CELF4: variants seen among roughly 807,000 people sequenced by gnomAD.
CELF4 encodes CUG-BP- and ETR-3-like factor 4.
CELF4 carries 18 observed loss-of-function variants against 59.9 expected under a neutral mutation model. The observed-to-expected ratio is 0.30, with a 90% CI of 0.21 to 0.45. The LOEUF is 0.45. Among genes scored for constraint, CELF4 ranks in the 20% least tolerant of loss-of-function variants. The pLI is 1.00. For missense variants in CELF4, 456 were observed against 689.0 expected (o/e 0.66, Z 3.79); for synonymous variants, 261 against 267.1 (o/e 0.98, Z 0.22).
Position 37,253,648 on chromosome 18 carries a change from C to A in CELF4, c.*44+119G>T, listed in dbSNP as rs991154891. On this transcript the variant is annotated intron_variant, in intron 12 of 12. Coordinates refer to ENST00000420428, the MANE Select transcript of CELF4 (RefSeq NM_020180.4). This position sits in a 1 kb window ranked among gnomAD's most constrained non-coding sequence, Gnocchi z 4.5. ...GGAGCAGGGCGAGGAGCAGGTTGAGCCGGGCGCAGCGGGTCCAAGGCACCA... is the reference window on the plus strand; with the variant it reads ...GGAGCAGGGCGAGGAGCAGGTTGAGACGGGCGCAGCGGGTCCAAGGCACCA... 1.6e-5 allele frequency: 11 copies of A among 698,156 alleles called. No individual in the cohort carries two copies. Among genetic ancestry groups the A allele is most frequent in the Non-Finnish European group, 2.2e-5 (10 of 459,084 alleles). 43.2% of individuals were successfully genotyped at this position (698,156 alleles called of 1,614,324 possible).
chr18:37,325,166 G>C lies in CELF4; in HGVS notation c.370-3285C>G, dbSNP rs548868434. On this transcript the variant is annotated intron_variant, in intron 2 of 12. Coordinates refer to ENST00000420428, the MANE Select transcript of CELF4 (RefSeq NM_020180.4). ...GCTTTGTCGCTCTGTCCCAACGGGG[G>C]AGTGAGGCCATTCCTGAGGCAGGAG... 2.1e-5 allele frequency among the ~76,000 whole-genome samples: 3 copies of C among 140,836 alleles called. No individual in the cohort carries two copies. In the East Asian group the frequency reaches 1.1e-3, roughly 50 times the overall value. 92.4% of individuals were successfully genotyped at this position (140,836 alleles called of 152,430 possible). A position where few individuals can be genotyped will look rare whatever the true frequency, so the allele number is the denominator to read the frequency against.
intron 3 of CELF4, among the ~76,000 whole-genome samples, chr18:37,308,102 G>C (rs2096508438): frequency 6.6e-6 from 1 of 152,002 alleles, no homozygotes; most frequent in African/African-American, 2.4e-5. Context: ...CCTGCCCCCT[G>C]CCCAACCCCT....
At chr18:37,273,425 G>C (rs999734321) in intron 6 of CELF4, 127 of 1,212,224 alleles carry the variant, frequency 1.0e-4, no homozygotes, top group African/African-American at 4.7e-4. Flanking sequence ...GGCAGAGGAG[G>C]AGACTGGCTC....
At chr18:37,437,763 G>A (rs2099697854) in intron 2 of CELF4, among the ~76,000 whole-genome samples, 1 of 152,208 alleles carries the variant, frequency 6.6e-6, no homozygotes, top group South Asian at 2.1e-4. Flanking sequence ...CAGAGATAAT[G>A]AGAACTTTAA....
intron 3 of CELF4, among the ~76,000 whole-genome samples, chr18:37,319,013 A>AG (rs1324071311): frequency 6.6e-6 from 1 of 152,144 alleles, no homozygotes; most frequent in East Asian, 1.9e-4. Context: ...ACCTCCCCTG[A>AG]GGCCTCTGGC....
At chr18:37,460,340 T>C (rs904855101) in intron 2 of CELF4, among the ~76,000 whole-genome samples, 7 of 152,218 alleles carry the variant, frequency 4.6e-5, no homozygotes, top group Admixed American at 1.3e-4. Context: ...ACAGCTCTTA[T>C]GCTGAGCGAG....
chr18:37,283,313 G>C (rs1012340531), intron 3 of CELF4, among the ~76,000 whole-genome samples: 6 of 151,950 alleles, frequency 3.9e-5, no homozygotes, highest in African/African-American at 1.5e-4. Context: ...ACAGCAGAGG[G>C]GGGCATTAAA....
chr18:37,429,591 T>C (rs1786794), intron 2 of CELF4, among the ~76,000 whole-genome samples: 144,508 of 152,212 alleles, frequency 0.95, 69,041 homozygotes, highest in East Asian at 1. Context: ...TCCAAGTGGG[T>C]AGTGCTACCT....
At chr18:37,408,930 T>C (rs2099411675) in intron 2 of CELF4, among the ~76,000 whole-genome samples, 1 of 152,140 alleles carries the variant, frequency 6.6e-6, no homozygotes, top group Non-Finnish European at 1.5e-5. Flanking sequence ...CCTGCATGGG[T>C]CCCTTTCCAG....
intron 2 of CELF4, among the ~76,000 whole-genome samples, chr18:37,447,148 A>G (rs191171928): frequency 6.6e-6 from 1 of 152,214 alleles, no homozygotes; most frequent in Non-Finnish European, 1.5e-5. Flanking sequence ...TGTGAGGCCA[A>G]TGAAATGCCA....
chr18:37,429,950 A>G (rs1020792726), intron 2 of CELF4, among the ~76,000 whole-genome samples: 8 of 152,058 alleles, frequency 5.3e-5, no homozygotes, highest in African/African-American at 1.9e-4. Flanking sequence ...CTCAGCTCCA[A>G]TCTGTCTCCT....
intron 2 of CELF4, among the ~76,000 whole-genome samples, chr18:37,326,694 T>C (rs2097327849): frequency 6.6e-6 from 1 of 152,116 alleles, no homozygotes. Context: ...GTGTTTCTAC[T>C]TCCAGCCGGG....
chr18:37,479,520 G>T (rs1159009714), intron 2 of CELF4, among the ~76,000 whole-genome samples: 1 of 152,176 alleles, frequency 6.6e-6, no homozygotes, highest in Non-Finnish European at 1.5e-5. Flanking sequence ...GCAAAATTGA[G>T]AGCCACTGCC....
intron 4 of CELF4, 84 bp from the exon 5 acceptor site, chr18:37,274,968 G>A: frequency 1.3e-6 from 2 of 1,546,910 alleles, no homozygotes; most frequent in South Asian, 2.3e-5. Flanking sequence ...CCAGGTGAAC[G>A]CAGACGGGTG....
intron 1 of CELF4, among the ~76,000 whole-genome samples, chr18:37,537,016 C>T (rs373725358): frequency 1.2e-4 from 18 of 152,206 alleles, no homozygotes; most frequent in Non-Finnish European, 2.1e-4. Flanking sequence ...GCACGACTGG[C>T]GGGTGTCATA....
intron 2 of CELF4, among the ~76,000 whole-genome samples, chr18:37,369,661 A>G (rs972204465): frequency 6.6e-6 from 1 of 152,222 alleles, no homozygotes; most frequent in African/African-American, 2.4e-5. Flanking sequence ...CAGCTCAAAG[A>G]CATGCTATGG....
chr18:37,254,011 G>A lies in CELF4; in HGVS notation c.1334-73C>T, dbSNP rs1260976682. ...GGGGCGCTGCCGGCGGGGAGGGGTC[G>A]GGGGACAGGGGGGCGGGGCGGGCCT... On this transcript the variant is annotated intron_variant, in intron 11 of 12. Coordinates refer to ENST00000420428, the MANE Select transcript of CELF4 (RefSeq NM_020180.4). This position sits in a 1 kb window ranked among gnomAD's most constrained non-coding sequence, Gnocchi z 5.1. 9.5e-6 allele frequency: 11 copies of A among 1,160,692 alleles called. No homozygotes were observed. The highest frequency in any genetic ancestry group is 1.7e-5 in the South Asian group (1 of 58,980). The allele number at this position is 1,160,692 out of a possible 1,614,324, so 71.9% of individuals were successfully genotyped here. A position where few individuals can be genotyped will look rare whatever the true frequency, so the allele number is the denominator to read the frequency against.
chr18:37,274,057 G>C, intron 6 of CELF4: 4 of 1,327,098 alleles, frequency 3.0e-6, no homozygotes, highest in Non-Finnish European at 3.8e-6. Flanking sequence ...TTTTCTGTGG[G>C]GCCTCTCTCA....
intron 1 of CELF4, among the ~76,000 whole-genome samples, chr18:37,512,123 C>T (rs1170292992): frequency 6.6e-6 from 1 of 152,186 alleles, no homozygotes; most frequent in Admixed American, 6.5e-5. Context: ...CTGGGAGGGC[C>T]AGGGACAGTT....
Sources: allele counts gnomAD v4.1 joint callset (sites outside exome capture counted in the v4.1 genomes callset), GRCh38; gene constraint gnomAD v4.1.1; non-coding constraint Gnocchi (gnomAD v3.1); transcripts MANE v1.5; gene names NCBI Gene and HGNC (gene_info 2026-07-23, HGNC 2026-07-21).